The following SORCS3 variants were observed in gnomAD, a reference collection of about 807,000 sequenced individuals.
The protein encoded by SORCS3 is sortilin related VPS10 domain containing receptor 3, also known as VPS10 domain-containing receptor SorCS3.
SORCS3 carries 57 observed loss-of-function variants against 146.3 expected under a neutral mutation model. The observed-to-expected ratio is 0.39, with a 90% CI of 0.31 to 0.49. The LOEUF (loss-of-function observed/expected upper bound fraction) is 0.49. Ranked by LOEUF, SORCS3 falls within the 20% of genes least tolerant of loss-of-function variation. SORCS3 has a pLI of 0.92. For synonymous variants in SORCS3, 653 were observed against 618.5 expected (o/e 1.06, Z -0.83); for missense variants, 1,341 against 1,575.5 (o/e 0.85, Z 2.52).
At chr10:104,694,861 T>C (rs543879431) in intron 1 of SORCS3, among the ~76,000 whole-genome samples, 71 of 152,308 alleles carry the variant, frequency 4.7e-4, no homozygotes, top group Admixed American at 2.4e-3. Context: ...AGATTATTGA[T>C]ATAAGTGCCT....
intron 1 of SORCS3, among the ~76,000 whole-genome samples, chr10:104,711,046 G>T (rs758350348): frequency 6.6e-6 from 1 of 152,066 alleles, no homozygotes; most frequent in African/African-American, 2.4e-5. Flanking sequence ...AACCACTTTG[G>T]TATGCAAGTC....
rs114242103 is a variant in SORCS3 at position 105,259,259 on chromosome 10, C to T, written c.3443+2335C>T. Among the ~76,000 whole-genome samples, 390 of 152,302 alleles carry T rather than the reference C, an allele frequency of 2.6e-3. 1 individual carries two copies. Among genetic ancestry groups the T allele is most frequent in the African/African-American group, 8.9e-3 (372 of 41,576 alleles). ...ATTAAGTGTAAACAGCAACACCTGG[C>T]CATTAAACGCTCTGTTGAGCAGCAC... On this transcript the variant is annotated intron_variant, in intron 25 of 26. Transcript: ENST00000369701.
At chr10:104,863,159 C>T (rs949709673) in intron 2 of SORCS3, among the ~76,000 whole-genome samples, 1 of 152,112 alleles carries the variant, frequency 6.6e-6, no homozygotes, top group South Asian at 2.1e-4. Context: ...ATGGGCAGGC[C>T]CTGTTCATAA....
intron 1 of SORCS3, among the ~76,000 whole-genome samples, chr10:104,723,966 C>T (rs1384802091): frequency 6.6e-6 from 1 of 152,100 alleles, no homozygotes; most frequent in Non-Finnish European, 1.5e-5. Flanking sequence ...GAGCATTTAG[C>T]CCATTTTCAT....
At chr10:104,965,032 T>C (rs928348906) in intron 3 of SORCS3, among the ~76,000 whole-genome samples, 1 of 152,208 alleles carries the variant, frequency 6.6e-6, no homozygotes, top group South Asian at 2.1e-4. Flanking sequence ...CCATGTAGCA[T>C]GTGTCAGAAT....
intron 17 of SORCS3, 28 bp downstream of exon 17, chr10:105,211,278 C>A: frequency 6.7e-7 from 1 of 1,483,562 alleles, no homozygotes; most frequent in Non-Finnish European, 9.4e-7. Context: ...AGGAACTCAG[C>A]TCCCTGTTTT....
At chr10:105,154,097 C>T (rs1013572038) in intron 9 of SORCS3, among the ~76,000 whole-genome samples, 2 of 118,620 alleles carry the variant, frequency 1.7e-5, no homozygotes, top group African/African-American at 6.0e-5. Context: ...AAGAAACTTC[C>T]CATCCAGCCT....
At chr10:104,726,752 A>G (rs2016639786) in intron 1 of SORCS3, among the ~76,000 whole-genome samples, 1 of 151,972 alleles carries the variant, frequency 6.6e-6, no homozygotes, top group African/African-American at 2.4e-5. Context: ...TGTGGGTAAA[A>G]AACTGCCCTA....
intron 4 of SORCS3, among the ~76,000 whole-genome samples, chr10:104,993,154 G>C (rs576355298): frequency 6.6e-6 from 1 of 152,248 alleles, no homozygotes; most frequent in South Asian, 2.1e-4. Flanking sequence ...AAATATCTAA[G>C]GCCGAGGGCT....
At chr10:104,980,275 G>T (rs2054924736) in intron 4 of SORCS3, among the ~76,000 whole-genome samples, 1 of 152,136 alleles carries the variant, frequency 6.6e-6, no homozygotes. Context: ...TGTTCTTCAG[G>T]CCCATAAAGT....
chr10:104,724,501 T>C (rs1340433362), intron 1 of SORCS3, among the ~76,000 whole-genome samples: 1 of 152,160 alleles, frequency 6.6e-6, no homozygotes, highest in Non-Finnish European at 1.5e-5. Flanking sequence ...TCTCTGTATT[T>C]CCTGAATCTG....
intron 25 of SORCS3, 39 bp downstream of exon 25, chr10:105,256,963 G>A: frequency 7.1e-7 from 1 of 1,415,888 alleles, no homozygotes; most frequent in Non-Finnish European, 1.0e-6. Flanking sequence ...GTGGGGTTGG[G>A]GTCATTGCAA....
At chr10:104,898,269 AGTTT>A (rs1468016434) in intron 2 of SORCS3, among the ~76,000 whole-genome samples, 2 of 152,238 alleles carry the variant, frequency 1.3e-5, no homozygotes, top group East Asian at 1.9e-4. Context: ...CTAACACAAT[AGTTT>A]GTTTGTTTCC....
At chr10:105,118,481 T>C (rs752126352) in intron 7 of SORCS3, among the ~76,000 whole-genome samples, 56 of 151,852 alleles carry the variant, frequency 3.7e-4, no homozygotes, top group Non-Finnish European at 6.5e-4. Flanking sequence ...CTACAGAGAG[T>C]GGGGTGCTGC....
At chr10:104,847,405 A>G (rs112572738) in intron 2 of SORCS3, among the ~76,000 whole-genome samples, 5,620 of 152,334 alleles carry the variant, frequency 0.037, 146 homozygotes, top group East Asian at 0.13. Flanking sequence ...AAGAAGTTTA[A>G]GTTACCCCCT....
intron 4 of SORCS3, among the ~76,000 whole-genome samples, chr10:105,005,680 G>A (rs1269619000): frequency 6.6e-6 from 1 of 152,056 alleles, no homozygotes; most frequent in Non-Finnish European, 1.5e-5. Flanking sequence ...ATAAAGAAGA[G>A]CCCTTGAGCA....
At chr10:105,121,519 A>G (rs2055933026) in intron 7 of SORCS3, among the ~76,000 whole-genome samples, 3 of 152,166 alleles carry the variant, frequency 2.0e-5, no homozygotes, top group South Asian at 4.1e-4. Context: ...TTTTCTCTGC[A>G]TTAGCACCTA....
intron 4 of SORCS3, among the ~76,000 whole-genome samples, chr10:105,003,036 C>A (rs556153377): frequency 6.6e-6 from 1 of 152,284 alleles, no homozygotes; most frequent in South Asian, 2.1e-4. Context: ...AAAGTTCATG[C>A]AGCTCATGCA....
intron 1 of SORCS3, among the ~76,000 whole-genome samples, chr10:104,753,499 A>C (rs1160661255): frequency 2.6e-5 from 4 of 152,180 alleles, no homozygotes. Context: ...TGTTTGAATA[A>C]AGGAAGAACA....
Sources: allele counts gnomAD v4.1 joint callset (sites outside exome capture counted in the v4.1 genomes callset), GRCh38; gene constraint gnomAD v4.1.1; transcripts MANE v1.5; gene names NCBI Gene and HGNC (gene_info 2026-07-23, HGNC 2026-07-21).